GATAD2B: variants seen among roughly 807,000 people sequenced by gnomAD.
The protein encoded by GATAD2B is GATA zinc finger domain containing 2B.
Under a neutral mutation model 64.3 loss-of-function variants are expected in GATAD2B, and 8 were observed. That is an observed-to-expected ratio of 0.12 (90% confidence interval 0.07 to 0.22). The LOEUF is 0.22. GATAD2B is among the 10% of genes least tolerant of loss of function. The pLI is 1.00. For synonymous variants in GATAD2B, 281 were observed against 271.3 expected (o/e 1.04, Z -0.35); for missense variants, 453 against 752.0 (o/e 0.60, Z 4.65).
At chr1:153,857,978 A>G (rs1676151663) in intron 1 of GATAD2B, among the ~76,000 whole-genome samples, 1 of 152,214 alleles carries the variant, frequency 6.6e-6, no homozygotes, top group Non-Finnish European at 1.5e-5. Context: ...ATAATTTGAC[A>G]GTGAATTCAA....
At chr1:153,908,434 C>T (rs1394779999) in intron 1 of GATAD2B, among the ~76,000 whole-genome samples, 1 of 151,440 alleles carries the variant, frequency 6.6e-6, no homozygotes, top group East Asian at 1.9e-4. Context: ...ACTAACTAAA[C>T]GGTGGAGCAG....
Position 153,810,150 on chromosome 1 carries a change from G to C in GATAD2B, c.*27C>G. On this transcript the variant is annotated 3_prime_UTR_variant, in exon 11 of 11. Transcript: ENST00000368655. ...AGAGGAAAGGGATAAAGGATTCAAG[G>C]ATGGGGCAGTACAAGTGGAACAGGC... 1 of 1,594,608 alleles carries C rather than the reference G, an allele frequency of 6.3e-7. No homozygotes were observed. Among genetic ancestry groups the C allele is most frequent in the Middle Eastern group, 1.7e-4 (1 of 5,988 alleles).
chr1:153,868,666 T>C (rs576913817), intron 1 of GATAD2B, among the ~76,000 whole-genome samples: 5 of 152,114 alleles, frequency 3.3e-5, no homozygotes, highest in Admixed American at 1.3e-4. Flanking sequence ...CAGGAAACAA[T>C]AGTGTTTATT....
intron 1 of GATAD2B, among the ~76,000 whole-genome samples, chr1:153,879,694 C>T (rs1030703037): frequency 7.0e-6 from 1 of 143,078 alleles, no homozygotes; most frequent in Non-Finnish European, 1.5e-5. Flanking sequence ...ACCCAGGAGT[C>T]GGAGGTTGCA....
intron 2 of GATAD2B, among the ~76,000 whole-genome samples, chr1:153,826,405 G>C (rs965766508): frequency 2.6e-5 from 4 of 152,124 alleles, no homozygotes; most frequent in African/African-American, 9.6e-5. Flanking sequence ...GAGGTGGGCA[G>C]ATCACCTGAG....
chr1:153,858,699 C>G (rs903008425), intron 1 of GATAD2B, among the ~76,000 whole-genome samples: 1 of 152,046 alleles, frequency 6.6e-6, no homozygotes, highest in African/African-American at 2.4e-5. Flanking sequence ...TCACTACACT[C>G]CAGCCTAGGT....
At chr1:153,811,486 G>A in intron 10 of GATAD2B, 1 of 554,406 alleles carries the variant, frequency 1.8e-6, no homozygotes, top group Non-Finnish European at 3.1e-6. Context: ...CTACTGAAGG[G>A]ATATTAAAAG....
At chr1:153,868,531 A>C (rs781699347) in intron 1 of GATAD2B, among the ~76,000 whole-genome samples, 16 of 152,086 alleles carry the variant, frequency 1.1e-4, no homozygotes, top group Non-Finnish European at 8.8e-5. Flanking sequence ...AAAAATTTAA[A>C]GTCTTTAATA....
At chr1:153,881,978 C>T (rs1677025144) in intron 1 of GATAD2B, among the ~76,000 whole-genome samples, 1 of 152,078 alleles carries the variant, frequency 6.6e-6, no homozygotes. Flanking sequence ...ACATGGTGTA[C>T]TGTTATATTA....
intron 1 of GATAD2B, among the ~76,000 whole-genome samples, chr1:153,907,576 G>T (rs763369681): frequency 5.3e-5 from 8 of 152,040 alleles, no homozygotes; most frequent in Non-Finnish European, 1.2e-4. Context: ...ATTAATGCTG[G>T]TGTTGGTTAC....
intron 1 of GATAD2B, among the ~76,000 whole-genome samples, chr1:153,879,042 C>T (rs184535383): frequency 1.3e-5 from 2 of 151,848 alleles, no homozygotes; most frequent in African/African-American, 4.8e-5. Flanking sequence ...CGGGTTCAAG[C>T]GATTCTCCTG....
At chr1:153,875,683 G>GAAAAAAAAAAAAAAAAAAAAAAAAAAAA in intron 1 of GATAD2B, among the ~76,000 whole-genome samples, 1 of 78,392 alleles carries the variant, frequency 1.3e-5, no homozygotes, top group Non-Finnish European at 2.4e-5. Context: ...AGTTTGGAGG[G>GAAAAAAAAAAAAAAAAAAAAAAAAAAAA]AAAAAAAAAA....
chr1:153,915,593 G>A (rs1318043808), intron 1 of GATAD2B, among the ~76,000 whole-genome samples: 2 of 151,780 alleles, frequency 1.3e-5, no homozygotes, highest in East Asian at 3.9e-4. Context: ...AAATTAGCTG[G>A]GCAAAGTGGC....
intron 1 of GATAD2B, among the ~76,000 whole-genome samples, chr1:153,835,884 A>T (rs1675244747): frequency 6.6e-6 from 1 of 151,970 alleles, no homozygotes; most frequent in Non-Finnish European, 1.5e-5. Context: ...CACCATGCCC[A>T]GCTACTTTTT....
intron 1 of GATAD2B, chr1:153,921,965 G>A (rs926823544): frequency 5.2e-4 from 79 of 152,284 alleles, no homozygotes; most frequent in African/African-American, 1.9e-3. Context: ...TCCCGGTGTG[G>A]TTAGGGAAGG....
At chr1:153,906,868 G>A (rs992369750) in intron 1 of GATAD2B, among the ~76,000 whole-genome samples, 1 of 152,060 alleles carries the variant, frequency 6.6e-6, no homozygotes, top group Non-Finnish European at 1.5e-5. Context: ...GGAAATATAC[G>A]AATAGCCAAT....
At chr1:153,848,973 A>ACCC (rs113142203) in intron 1 of GATAD2B, among the ~76,000 whole-genome samples, 73 of 141,464 alleles carry the variant, frequency 5.2e-4, no homozygotes, top group Middle Eastern at 3.5e-3. Context: ...AAACAAACAA[A>ACCC]CCCCCCCCCT....
chr1:153,894,428 G>A (rs767761114), intron 1 of GATAD2B, among the ~76,000 whole-genome samples: 4 of 151,516 alleles, frequency 2.6e-5, no homozygotes, highest in Non-Finnish European at 5.9e-5. Context: ...AATTCGTGCC[G>A]CCGCACTCCA....
Position 153,816,260 on chromosome 1 carries a change from G to A in GATAD2B, c.1216+13C>T, listed in dbSNP as rs1293760781. The A allele has an allele frequency of 6.3e-7, 1 of 1,580,936 alleles. No homozygotes were observed. The highest frequency in any genetic ancestry group is 1.7e-4 in the Middle Eastern group (1 of 5,996). On this transcript the variant is annotated intron_variant, in intron 7 of 10. Coordinates refer to ENST00000368655, the MANE Select transcript of GATAD2B (RefSeq NM_020699.4). The surrounding 1 kb of genome is among the most constrained non-coding windows in gnomAD (Gnocchi z 4.9). ...ACTTGCTTAAATAGATTGATTAGAA[G>A]AAACAGCCTTACCTTGGCTGTCAAT...
Sources: gnomAD v4.1 joint callset for allele counts (sites outside exome capture counted in the v4.1 genomes callset) on GRCh38, gnomAD v4.1.1 for gene constraint, Gnocchi (gnomAD v3.1) non-coding constraint, MANE v1.5 for transcripts, NCBI Gene and HGNC (gene_info 2026-07-23, HGNC 2026-07-21) for gene names.